The following SCAF8 variants were observed in gnomAD, a reference collection of about 807,000 sequenced individuals.
SCAF8 encodes SR-related CTD associated factor 8.
A neutral mutation model predicts 140.5 loss-of-function variants in SCAF8; 23 were observed. That is an observed-to-expected ratio of 0.16 (90% CI 0.12 to 0.23). The LOEUF (loss-of-function observed/expected upper bound fraction) is 0.23, where lower values mean the gene tolerates loss of function less well. Among genes scored for constraint, SCAF8 ranks in the 10% least tolerant of loss-of-function variants. SCAF8 has a pLI of 1.00. For synonymous variants in SCAF8, 575 were observed against 528.9 expected, an observed-to-expected ratio of 1.09 and a Z score of -1.20; for missense variants, 1,397 against 1,555.7, an observed-to-expected ratio of 0.90 and a Z score of 1.72.
At chr6:154,816,201 C>T (rs1419368542) in intron 13 of SCAF8, among the ~76,000 whole-genome samples, 1 of 152,176 alleles carries the variant, frequency 6.6e-6, no homozygotes, top group Non-Finnish European at 1.5e-5. Flanking sequence ...CAGAAGCAGT[C>T]GTGGAGACAC....
At chr6:154,778,726 TG>T (rs1300075322) in intron 3 of SCAF8, among the ~76,000 whole-genome samples, 1 of 151,672 alleles carries the variant, frequency 6.6e-6, no homozygotes, top group African/African-American at 2.4e-5. Context: ...ATCACACCAC[TG>T]CACTCCAGCC....
At chr6:154,822,240 T>C (rs1778439000) in intron 15 of SCAF8, 36 bp from the exon 16 acceptor site, 1 of 1,575,164 alleles carries the variant, frequency 6.3e-7, no homozygotes, top group Non-Finnish European at 8.6e-7. Flanking sequence ...AAGTTGCACC[T>C]ATCCAAAGGA....
intron 1 of SCAF8, among the ~76,000 whole-genome samples, chr6:154,737,676 C>T (rs149908849): frequency 1.2e-4 from 19 of 152,114 alleles, no homozygotes; most frequent in Non-Finnish European, 2.1e-4. Context: ...CACTCTGGCC[C>T]GGGCAACAGT....
Position 154,831,135 on chromosome 6 carries a change from G to T in SCAF8, c.2354G>T (p.Arg785Ile). The T allele has an allele frequency of 6.4e-7, 1 of 1,568,480 alleles. No individual in the cohort carries two copies. The highest frequency in any genetic ancestry group is 8.7e-7 in the Non-Finnish European group (1 of 1,145,368). ...DHQISSGENT[R>I]SVIPNDISSN... Reference sequence around the variant, plus strand: ...CAGATTTCTTCTGGTGAAAACACCAGATCAGGTAAATAATAATAATAAAAT... The same window carrying T: ...CAGATTTCTTCTGGTGAAAACACCATATCAGGTAAATAATAATAATAAAAT... Residue 785 changes from arginine to isoleucine, a missense_variant, in exon 19 of 20, where the codon AGA (arginine) becomes ATA (isoleucine). This residue lies in a region of SCAF8 where 930 missense variants were observed against 874.6 expected (regional missense o/e 1.06). Transcript: ENST00000367178.
intron 4 of SCAF8, among the ~76,000 whole-genome samples, chr6:154,790,687 T>A (rs1164632583): frequency 6.6e-6 from 1 of 151,984 alleles, no homozygotes; most frequent in East Asian, 1.9e-4. Context: ...ATGTTTTGTA[T>A]TTTTAGTAGA....
rs1188577584 is a variant in SCAF8, at chr6:154,833,182, G to T, written c.3603G>T (p.Gly1201=). Residue 1201 remains glycine, a synonymous_variant, in exon 20 of 20, where the codon GGG becomes GGT. Transcript: ENST00000367178. ...PHARVFDYFE[G]ATSQRKGDNV... is the part of the protein sequence containing the mutation. ...CTCGGGTTTTTGATTATTTTGAAGG[G>T]GCCACTTCTCAACGAAAAGGTGATA... 1.2e-6 allele frequency: 2 copies of T among 1,613,964 alleles called. No homozygotes were observed. The highest frequency in any genetic ancestry group is 2.7e-5 in the African/African-American group (2 of 75,004).
chr6:154,800,920 T>G (rs957270920), intron 6 of SCAF8, among the ~76,000 whole-genome samples: 1 of 151,460 alleles, frequency 6.6e-6, no homozygotes, highest in Non-Finnish European at 1.5e-5. Context: ...AAAATAAATA[T>G]TTTTGACAGA....
At chr6:154,797,768 C>T (rs531971350) in intron 6 of SCAF8, among the ~76,000 whole-genome samples, 1 of 151,494 alleles carries the variant, frequency 6.6e-6, no homozygotes, top group African/African-American at 2.4e-5. Context: ...AGAATAAAAT[C>T]CAACTTTGTG....
At chr6:154,824,154 A>G (rs1778497000) in intron 16 of SCAF8, 80 bp from the exon 17 acceptor site, 2 of 1,404,576 alleles carry the variant, frequency 1.4e-6, no homozygotes, top group Non-Finnish European at 2.0e-6. Flanking sequence ...CTGAAAGAGA[A>G]ATAGAATAAT....
intron 8 of SCAF8, among the ~76,000 whole-genome samples, chr6:154,804,353 T>C (rs1210904132): frequency 6.6e-6 from 1 of 152,180 alleles, no homozygotes; most frequent in East Asian, 1.9e-4. Flanking sequence ...ATTTAAAAAC[T>C]AGTATTTTAG....
At chr6:154,817,905 TTA>T (rs1169672871) in intron 13 of SCAF8, among the ~76,000 whole-genome samples, 1 of 152,202 alleles carries the variant, frequency 6.6e-6, no homozygotes, top group Non-Finnish European at 1.5e-5. Flanking sequence ...GCTATTTTCT[TTA>T]TGTTAAAACT....
chr6:154,810,084 C>T lies in SCAF8; in HGVS notation c.1296C>T (p.Arg432=). 1 of 1,613,822 alleles carries T rather than the reference C, an allele frequency of 6.2e-7. No individual in the cohort carries two copies. Among genetic ancestry groups the T allele is most frequent in the Non-Finnish European group, 8.5e-7 (1 of 1,179,900 alleles). Residue 432 remains arginine, a synonymous_variant, in exon 12 of 20, where the codon CGC becomes CGT. Coordinates refer to ENST00000367178, the MANE Select transcript of SCAF8 (RefSeq NM_014892.5). ...AGCGTAAACACAGAAAGCGATCACG[C>T]TCCCGCTCAAGAGAAAGAAAGAGGA... is the stretch of plus-strand genomic sequence containing the variant. ...SRKRKHRKRS[R]SRSRERKRKS... is the part of the protein sequence containing the mutation.
At chr6:154,736,383 G>C (rs1185820238) in intron 1 of SCAF8, among the ~76,000 whole-genome samples, 1 of 148,046 alleles carries the variant, frequency 6.8e-6, no homozygotes, top group African/African-American at 2.5e-5. Context: ...CAATTCTCCT[G>C]CTTCAGCCTC....
chr6:154,754,765 GTTAT>G (rs1354956361), intron 1 of SCAF8, among the ~76,000 whole-genome samples: 1 of 151,934 alleles, frequency 6.6e-6, no homozygotes, highest in Non-Finnish European at 1.5e-5. Flanking sequence ...TTCTCCCTTT[GTTAT>G]TTAGTTTTCA....
chr6:154,771,047 G>C lies in SCAF8; in HGVS notation c.31-2942G>C, dbSNP rs142270415. On this transcript the variant is annotated intron_variant, in intron 1 of 19. Transcript: ENST00000367178. ...GGTGTGAGCCACTATGCCTGACCTT[G>C]GTTAAACTCTTACTAAGTTAAATTT... is the stretch of plus-strand genomic sequence containing the variant. Among the ~76,000 whole-genome samples the C allele has an allele frequency of 3.1e-4, 47 of 152,218 alleles. 1 individual carries two copies. The East Asian group carries it at 8.9e-3, about 29-fold the overall frequency.
chr6:154,768,593 C>T (rs535097323), intron 1 of SCAF8, among the ~76,000 whole-genome samples: 11 of 152,200 alleles, frequency 7.2e-5, no homozygotes, highest in South Asian at 2.1e-4. Context: ...CTGTGAATGG[C>T]GCTATGTATG....
intron 1 of SCAF8, among the ~76,000 whole-genome samples, chr6:154,745,946 C>A (rs1391889398): frequency 6.6e-6 from 1 of 151,926 alleles, no homozygotes; most frequent in African/African-American, 2.4e-5. Flanking sequence ...AGTGCAGTGG[C>A]TTGATCTCAG....
At chr6:154,793,306 G>A (rs1777478529) in intron 5 of SCAF8, among the ~76,000 whole-genome samples, 1 of 151,910 alleles carries the variant, frequency 6.6e-6, no homozygotes, top group South Asian at 2.1e-4. Context: ...TAGGATACTA[G>A]GGGGACTTAA....
chr6:154,804,991 A>G (rs1426921466), intron 8 of SCAF8, among the ~76,000 whole-genome samples: 1 of 152,196 alleles, frequency 6.6e-6, no homozygotes, highest in East Asian at 1.9e-4. Context: ...CTGTTTTTCT[A>G]TCTCATAGTA....
Sources: allele counts gnomAD v4.1 joint callset (sites outside exome capture counted in the v4.1 genomes callset), GRCh38; gene constraint gnomAD v4.1.1; regional missense constraint gnomAD v4.1.1; transcripts MANE v1.5; gene names NCBI Gene and HGNC (gene_info 2026-07-23, HGNC 2026-07-21).